The following GALNT13 variants were observed in gnomAD, a reference collection of about 807,000 sequenced individuals.
The protein encoded by GALNT13 is polypeptide N-acetylgalactosaminyltransferase 13.
GALNT13 carries 28 observed loss-of-function variants against 64.2 expected under a neutral mutation model. The ratio of observed to expected loss-of-function variants is 0.44; its 90% confidence interval spans 0.32 to 0.60. The LOEUF is 0.60. Ranked by LOEUF, GALNT13 falls within the 20% of genes least tolerant of loss-of-function variation. The pLI, the probability that GALNT13 is intolerant of heterozygous loss-of-function variation, is 0.05. For missense variants in GALNT13, 577 were observed against 669.8 expected, an observed-to-expected ratio of 0.86 and a Z score of 1.53; for synonymous variants, 214 against 224.6, an observed-to-expected ratio of 0.95 and a Z score of 0.42.
chr2:153,914,006 T>C (rs1558850169), intron 2 of GALNT13, among the ~76,000 whole-genome samples: 1 of 152,208 alleles, frequency 6.6e-6, no homozygotes, highest in East Asian at 1.9e-4. Context: ...ATATAGTAGA[T>C]TGTAAACTCA....
chr2:154,227,549 T>G (rs993746760), intron 4 of GALNT13, among the ~76,000 whole-genome samples: 1 of 145,920 alleles, frequency 6.9e-6, no homozygotes, highest in African/African-American at 2.5e-5. Flanking sequence ...TCTCATTGTT[T>G]AATTCCCACC....
chr2:154,183,818 T>G (rs866078077), intron 4 of GALNT13, among the ~76,000 whole-genome samples: 1 of 152,188 alleles, frequency 6.6e-6, no homozygotes, highest in African/African-American at 2.4e-5. Context: ...TCTATTTCAT[T>G]TATTTCTGCT....
chr2:153,721,378 C>T, the GALNT13 span, among the ~76,000 whole-genome samples: 6 of 141,058 alleles, frequency 4.3e-5, no homozygotes, highest in East Asian at 2.0e-4. Context: ...TAAAGACCAT[C>T]GAGACTAGGA....
At chr2:153,352,905 C>T in the GALNT13 span, among the ~76,000 whole-genome samples, 1 of 151,970 alleles carries the variant, frequency 6.6e-6, no homozygotes, top group Non-Finnish European at 1.5e-5. Flanking sequence ...CAACTTTGTT[C>T]TTCTCTTTCA....
At chr2:153,344,996 TA>T in the GALNT13 span, among the ~76,000 whole-genome samples, 6 of 152,150 alleles carry the variant, frequency 3.9e-5, no homozygotes, top group Non-Finnish European at 7.4e-5. Flanking sequence ...CACAGAAATA[TA>T]ACAAAAGTAA....
intron 4 of GALNT13, among the ~76,000 whole-genome samples, chr2:154,190,860 C>T (rs959833907): frequency 1.3e-5 from 2 of 152,164 alleles, no homozygotes; most frequent in Non-Finnish European, 2.9e-5. Context: ...ATATCAAAAA[C>T]ATGATTGCTT....
chr2:154,090,190 G>T (rs1189223031), intron 3 of GALNT13, among the ~76,000 whole-genome samples: 1 of 151,994 alleles, frequency 6.6e-6, no homozygotes, highest in Non-Finnish European at 1.5e-5. Flanking sequence ...CTCCTTTGAA[G>T]AAATCAAAAT....
At chr2:153,079,699 G>A in the GALNT13 span, among the ~76,000 whole-genome samples, 1 of 152,150 alleles carries the variant, frequency 6.6e-6, no homozygotes, top group Non-Finnish European at 1.5e-5. Context: ...AATTTCAGCA[G>A]GCCCTAGGCC....
At chr2:153,707,900 C>G in the GALNT13 span, among the ~76,000 whole-genome samples, 2 of 152,110 alleles carry the variant, frequency 1.3e-5, no homozygotes, top group African/African-American at 4.8e-5. Context: ...AATGCCTAAC[C>G]TCAAGCAAGT....
the GALNT13 span, among the ~76,000 whole-genome samples, chr2:153,356,874 T>C: frequency 7.1e-6 from 1 of 139,862 alleles, no homozygotes; most frequent in Non-Finnish European, 1.5e-5. Flanking sequence ...CTCGGCTCAC[T>C]GCACGCTCTG....
the GALNT13 span, among the ~76,000 whole-genome samples, chr2:153,335,044 G>C: frequency 6.6e-6 from 1 of 152,164 alleles, no homozygotes; most frequent in Admixed American, 6.5e-5. Flanking sequence ...TTTATCAGGG[G>C]TTTCCGCTTT....
the GALNT13 span, among the ~76,000 whole-genome samples, chr2:153,211,349 G>T: frequency 6.6e-6 from 1 of 151,982 alleles, no homozygotes; most frequent in Non-Finnish European, 1.5e-5. Flanking sequence ...CAACATGTTG[G>T]CCAGGATAGT....
chr2:153,554,022 A>G, the GALNT13 span, among the ~76,000 whole-genome samples: 1 of 152,188 alleles, frequency 6.6e-6, no homozygotes, highest in African/African-American at 2.4e-5. Flanking sequence ...GGATACAGGA[A>G]TAAAGATAAC....
At chr2:153,295,814 A>G in the GALNT13 span, among the ~76,000 whole-genome samples, 2 of 152,214 alleles carry the variant, frequency 1.3e-5, no homozygotes, top group East Asian at 1.9e-4. Context: ...TCAGGGATTT[A>G]CAGGCACATT....
intron 1 of GALNT13, among the ~76,000 whole-genome samples, chr2:153,876,135 C>CAT (rs1210805697): frequency 6.6e-6 from 1 of 151,790 alleles, no homozygotes; most frequent in Non-Finnish European, 1.5e-5. Context: ...TCAAGTCCTA[C>CAT]ATATATATAC....
intron 3 of GALNT13, among the ~76,000 whole-genome samples, chr2:154,003,292 G>T (rs1406752923): frequency 6.6e-6 from 1 of 152,164 alleles, no homozygotes; most frequent in Non-Finnish European, 1.5e-5. Flanking sequence ...TCCCAGACTG[G>T]TGAGGAGATT....
At chr2:154,269,639 G>T (rs1279864571) in intron 8 of GALNT13, among the ~76,000 whole-genome samples, 1 of 151,392 alleles carries the variant, frequency 6.6e-6, no homozygotes, top group Non-Finnish European at 1.5e-5. Flanking sequence ...TTAATGATTT[G>T]GTTCAGCAAA....
At chr2:153,635,784 T>C in the GALNT13 span, among the ~76,000 whole-genome samples, 1 of 152,130 alleles carries the variant, frequency 6.6e-6, no homozygotes, top group Non-Finnish European at 1.5e-5. Context: ...GTAGCATAAG[T>C]CAGTAAACTT....
At chr2:154,240,721 C>A (rs1230940463) in intron 4 of GALNT13, among the ~76,000 whole-genome samples, 1 of 152,140 alleles carries the variant, frequency 6.6e-6, no homozygotes, top group East Asian at 1.9e-4. Flanking sequence ...TTAACCAGCT[C>A]AATTAGACCC....
Sources: allele counts gnomAD v4.1 joint callset (sites outside exome capture counted in the v4.1 genomes callset), GRCh38; gene constraint gnomAD v4.1.1; transcripts MANE v1.5; gene names NCBI Gene and HGNC (gene_info 2026-07-23, HGNC 2026-07-21).